The following ZNF462 variants were observed in gnomAD, a reference collection of about 807,000 sequenced individuals.
The protein encoded by ZNF462 is zinc finger protein 462.
A neutral mutation model predicts 201.9 loss-of-function variants in ZNF462; 10 were observed. That is an observed-to-expected ratio of 0.05 (90% CI 0.03 to 0.08). The LOEUF (loss-of-function observed/expected upper bound fraction) is 0.08, where lower values mean the gene tolerates loss of function less well. Among genes scored for constraint, ZNF462 ranks in the 10% least tolerant of loss-of-function variants. The pLI is 1.00. For synonymous variants in ZNF462, 1,227 were observed against 1,193.3 expected, an observed-to-expected ratio of 1.03 and a Z score of -0.58; for missense variants, 2,523 against 3,168.3, an observed-to-expected ratio of 0.80 and a Z score of 4.89.
At position 107,012,390 on chromosome 9, in the gene ZNF462, A is replaced by ATCT. The variant is rs1829967883; in HGVS notation, c.*1360_*1361insTCT. ...TCCCATCCCTTTCGTGAGAGTGGAC[A>ATCT]AGAAATAACATATCCTACAAGGAGC... On this transcript the variant is annotated 3_prime_UTR_variant, in exon 13 of 13. Transcript: ENST00000277225. The ATCT allele has an allele frequency of 1.5e-5, 2 of 136,510 alleles. No homozygotes were observed. The highest frequency in any genetic ancestry group is 3.0e-5 in the Non-Finnish European group (2 of 67,594). 8.5% of individuals were successfully genotyped at this position (136,510 alleles called of 1,614,324 possible). A position where few individuals can be genotyped will look rare whatever the true frequency, so the allele number is the denominator to read the frequency against.
rs1212920112 is a variant in ZNF462, at chr9:106,980,362, G to T, written c.6833-3824G>T. The stretch of plus-strand genomic sequence containing the variant: ...AGTCCTCTAGAGTGGCAATTTGCAC[G>T]CAAAGTTTTGGTGGAGTGAAGAACT... On this transcript the variant is annotated intron_variant, in intron 9 of 12. Transcript: ENST00000277225. 3.9e-5 allele frequency among the ~76,000 whole-genome samples: 6 copies of T among 152,166 alleles called. 1 individual carries two copies. Among genetic ancestry groups the T allele is most frequent in the African/African-American group, 1.4e-4 (6 of 41,444 alleles).
chr9:106,918,638 C>G (rs1344659866), intron 1 of ZNF462, among the ~76,000 whole-genome samples: 1 of 152,198 alleles, frequency 6.6e-6, no homozygotes, highest in Admixed American at 6.5e-5. Context: ...AATCATTTTT[C>G]ATCTTAAGGT....
In ZNF462 at chr9:106,905,059, G is replaced by A. The variant is rs1157124792; in HGVS notation, c.-30-18295G>A. Among the ~76,000 whole-genome samples, 1 of 152,184 alleles carries A rather than the reference G, an allele frequency of 6.6e-6. No homozygotes were observed. Among genetic ancestry groups the A allele is most frequent in the Non-Finnish European group, 1.5e-5 (1 of 68,036 alleles). On this transcript the variant is annotated intron_variant, in intron 1 of 12. Coordinates refer to ENST00000277225, the MANE Select transcript of ZNF462 (RefSeq NM_021224.6). The surrounding 1 kb of genome is among the most constrained non-coding windows in gnomAD (Gnocchi z 5.9). The stretch of plus-strand genomic sequence containing the variant: ...CTTCTCATTTGGGTAGGCTCTGTCA[G>A]AGGGAAGGTCTATGGCTGAAGACTG...
intron 10 of ZNF462, among the ~76,000 whole-genome samples, chr9:106,998,715 C>T (rs1828930831): frequency 2.0e-5 from 3 of 152,218 alleles, no homozygotes; most frequent in Admixed American, 2.0e-4. Context: ...TTAAGCAATT[C>T]TCCTGCCTCA....
At chr9:106,995,067 T>A (rs1037846127) in intron 10 of ZNF462, among the ~76,000 whole-genome samples, 2 of 152,122 alleles carry the variant, frequency 1.3e-5, no homozygotes, top group East Asian at 3.9e-4. Context: ...ATCTTTTCCC[T>A]CTGTATTTTG....
chr9:107,008,039 C>T lies in ZNF462; in HGVS notation c.7190-1506C>T, dbSNP rs1460233876. ...GCAAGTGCCGGACTGAATATGGACA[C>T]GCTGCAGGTCCTGCCTAGGAAGCTC... On this transcript the variant is annotated intron_variant, in intron 11 of 12. Transcript: ENST00000277225. The surrounding 1 kb of genome is among the most constrained non-coding windows in gnomAD (Gnocchi z 4.8). Among the ~76,000 whole-genome samples the T allele has an allele frequency of 1.3e-5, 2 of 152,074 alleles. No individual in the cohort carries two copies. The highest frequency in any genetic ancestry group is 1.9e-4 in the East Asian group (1 of 5,174).
rs1588007283 is a variant in ZNF462, at chr9:106,890,774, G to T, written c.-31+27419G>T. ...TGACATGAAACAATATTGCATCGTA[G>T]GGAGTGCATAGTAGACTATGTTGTT... On this transcript the variant is annotated intron_variant, in intron 1 of 12. Coordinates refer to ENST00000277225, the MANE Select transcript of ZNF462 (RefSeq NM_021224.6). This position sits in a 1 kb window ranked among gnomAD's most constrained non-coding sequence, Gnocchi z 4.2. 1.3e-5 allele frequency among the ~76,000 whole-genome samples: 2 copies of T among 152,108 alleles called. No individual in the cohort carries two copies. The highest frequency in any genetic ancestry group is 4.1e-4 in the South Asian group (2 of 4,820).
In ZNF462 at chr9:106,963,099, C is replaced by T. The variant is rs954590284; in HGVS notation, c.6428-8906C>T. On this transcript the variant is annotated intron_variant, in intron 7 of 12. Coordinates refer to ENST00000277225, the MANE Select transcript of ZNF462 (RefSeq NM_021224.6). The surrounding 1 kb of genome is among the most constrained non-coding windows in gnomAD (Gnocchi z 4.7). ...CCATAGATAAAGAACATTTTTGAGGCTCTTCAGAGGAAATACTTGGAAAGT... is the reference window on the plus strand; with the variant it reads ...CCATAGATAAAGAACATTTTTGAGGTTCTTCAGAGGAAATACTTGGAAAGT... Among the ~76,000 whole-genome samples, 1 of 152,016 alleles carries T rather than the reference C, an allele frequency of 6.6e-6. No homozygotes were observed. Among genetic ancestry groups the T allele is most frequent in the African/African-American group, 2.4e-5 (1 of 41,412 alleles).
Position 106,974,030 on chromosome 9 carries a change from C to G in ZNF462, c.6696-107C>G, listed in dbSNP as rs1467024460. The G allele has an allele frequency of 1.4e-6, 2 of 1,437,480 alleles. No individual in the cohort carries two copies. The highest frequency in any genetic ancestry group is 2.8e-5 in the African/African-American group (2 of 70,390). The allele number at this position is 1,437,480 out of a possible 1,614,324, so 89.0% of individuals were successfully genotyped here. On this transcript the variant is annotated intron_variant, in intron 8 of 12. Coordinates refer to ENST00000277225, the MANE Select transcript of ZNF462 (RefSeq NM_021224.6). The surrounding 1 kb of genome is among the most constrained non-coding windows in gnomAD (Gnocchi z 4.0). ...ACAGATTTTTTTTTAGCCCCACAAG[C>G]AGGAGAGCCGCACTTGGACATATAT... is the stretch of plus-strand genomic sequence containing the variant.
intron 10 of ZNF462, among the ~76,000 whole-genome samples, chr9:107,001,164 T>A (rs1829158021): frequency 6.6e-6 from 1 of 152,150 alleles, no homozygotes; most frequent in Non-Finnish European, 1.5e-5. Context: ...CACTTAAAAA[T>A]ACTTCTCTTC....
At chr9:106,973,794 C>G (rs1174975228) in intron 8 of ZNF462, among the ~76,000 whole-genome samples, 1 of 152,086 alleles carries the variant, frequency 6.6e-6, no homozygotes, top group African/African-American at 2.4e-5. Flanking sequence ...TCCTCCCAAG[C>G]ATGATGAAAA....
intron 1 of ZNF462, among the ~76,000 whole-genome samples, chr9:106,908,001 G>A (rs73668709): frequency 0.078 from 11,756 of 151,626 alleles, 926 homozygotes; most frequent in African/African-American, 0.2. Flanking sequence ...CAAATGTTTG[G>A]GATTTTTCTT....
chr9:106,914,966 A>T (rs1030483368), intron 1 of ZNF462, among the ~76,000 whole-genome samples: 2 of 152,164 alleles, frequency 1.3e-5, no homozygotes, highest in Non-Finnish European at 2.9e-5. Context: ...GAATTTAATC[A>T]GGAAAAAAAA....
At chr9:106,882,353 C>A (rs1354697919) in intron 1 of ZNF462, among the ~76,000 whole-genome samples, 1 of 152,204 alleles carries the variant, frequency 6.6e-6, no homozygotes, top group African/African-American at 2.4e-5. Flanking sequence ...TCCTAAATAT[C>A]TGTTCCTTAA....
Position 106,928,088 on chromosome 9 carries a change from C to T in ZNF462, c.4176C>T (p.His1392=), listed in dbSNP as rs763352025. ...TCACTAATCACTACCAAGCATTCCA[C>T]CCCTGGGCCATGAATGGTGATGAGT... ...WDITNHYQAF[H]PWAMNGDESV... is the part of the protein sequence containing the mutation. Residue 1392 remains histidine (H), a synonymous_variant, in exon 3 of 13, where the codon CAC becomes CAT. Coordinates refer to ENST00000277225, the MANE Select transcript of ZNF462 (RefSeq NM_021224.6). The surrounding 1 kb of genome is among the most constrained non-coding windows in gnomAD (Gnocchi z 9.3). 1.1e-5 allele frequency: 17 copies of T among 1,614,182 alleles called. No individual in the cohort carries two copies. In the East Asian group the frequency reaches 3.1e-4, roughly 30 times the overall value.
At chr9:106,910,432 G>T (rs1829503900) in intron 1 of ZNF462, among the ~76,000 whole-genome samples, 2 of 124,026 alleles carry the variant, frequency 1.6e-5, no homozygotes, top group East Asian at 2.4e-4. Context: ...ACTTTTTCTT[G>T]GCCCTCAAAA....
At chr9:106,900,025 A>C (rs1434051912) in intron 1 of ZNF462, among the ~76,000 whole-genome samples, 2 of 140,634 alleles carry the variant, frequency 1.4e-5, no homozygotes, top group African/African-American at 5.2e-5. Flanking sequence ...CCCAAAGTCC[A>C]TTGTATTGTT....
rs984826382 is a variant in ZNF462, at chr9:107,000,404, G to A, written c.7057-2890G>A. ...GAAGGGACAAGAGTAGGTGCTAGGA[G>A]ACCAACATGGGAGGGGAAGGGGCTG... On this transcript the variant is annotated intron_variant, in intron 10 of 12. Transcript: ENST00000277225. Among the ~76,000 whole-genome samples, 119 of 152,150 alleles carry A rather than the reference G, an allele frequency of 7.8e-4. 1 individual carries two copies. Among genetic ancestry groups the A allele is most frequent in the African/African-American group, 2.8e-3 (116 of 41,534 alleles).
rs1245091558 is a variant in ZNF462 at position 106,900,745 on chromosome 9, T to C, written c.-30-22609T>C. Among the ~76,000 whole-genome samples, 3 of 152,174 alleles carry C rather than the reference T, an allele frequency of 2.0e-5. No individual in the cohort carries two copies. The East Asian group carries it at 5.8e-4, about 29-fold the overall frequency. ...CTTTTTGATGGGATTGTTGTTTTCT[T>C]ACTGATTTGTTTGAATTTGTTGTAG... is the stretch of plus-strand genomic sequence containing the variant. On this transcript the variant is annotated intron_variant, in intron 1 of 12. Transcript: ENST00000277225.
Sources: allele counts gnomAD v4.1 joint callset (sites outside exome capture counted in the v4.1 genomes callset), GRCh38; gene constraint gnomAD v4.1.1; non-coding constraint Gnocchi (gnomAD v3.1); transcripts MANE v1.5; gene names NCBI Gene and HGNC (gene_info 2026-07-23, HGNC 2026-07-21).